ZFAND1: variants seen among roughly 807,000 people sequenced by gnomAD.
ZFAND1 encodes the protein AN1-type zinc finger protein 1.
A neutral mutation model predicts 38.5 loss-of-function variants in ZFAND1; 40 were observed. The ratio of observed to expected loss-of-function variants is 1.04; its 90% CI spans 0.81 to 1.35. The LOEUF (loss-of-function observed/expected upper bound fraction) is 1.35, where lower values mean the gene tolerates loss of function less well. Among genes scored for constraint, ZFAND1 ranks in the 40% most tolerant of loss-of-function variants. The pLI, the probability that ZFAND1 is intolerant of heterozygous loss-of-function variation, is 0.00. For missense variants in ZFAND1, 346 were observed against 316.3 expected, an observed-to-expected ratio of 1.09 and a Z score of -0.71; for synonymous variants, 117 against 103.6, an observed-to-expected ratio of 1.13 and a Z score of -0.78.
rs1563611539 is a variant in ZFAND1, at chr8:81,719,356, A to ACACACACAC, written c.56-1133_56-1132insGTGTGTGTG. Reference sequence around the variant, plus strand: ...ACACACACACACACACACACACACAAATTAGCTGGGCGTGGTGGTTCATGC... The same window carrying ACACACACAC: ...ACACACACACACACACACACACACAACACACACACATTAGCTGGGCGTGGTGGTTCATGC... On this transcript the variant is annotated intron_variant, in intron 1 of 7. Coordinates refer to ENST00000220669, the MANE Select transcript of ZFAND1 (RefSeq NM_024699.3). Among the ~76,000 whole-genome samples the ACACACACAC allele has an allele frequency of 3.3e-3, 182 of 55,112 alleles. 1 individual carries two copies. The highest frequency in any genetic ancestry group is 0.013 in the African/African-American group (161 of 12,150). 36.2% of individuals were successfully genotyped at this position (55,112 alleles called of 152,430 possible). A position where few individuals can be genotyped will look rare whatever the true frequency, so the allele number is the denominator to read the frequency against.
chr8:81,719,593 A>T (rs1469031959), intron 1 of ZFAND1, among the ~76,000 whole-genome samples: 2 of 152,164 alleles, frequency 1.3e-5, no homozygotes, highest in African/African-American at 2.4e-5. Flanking sequence ...TTAATAATCA[A>T]GTATTAGATG....
At chr8:81,714,318 A>C in intron 5 of ZFAND1, 1 of 306,008 alleles carries the variant, frequency 3.3e-6, no homozygotes, top group Non-Finnish European at 6.0e-6. Context: ...GCTTCTACAG[A>C]CAACCTTAAG....
Position 81,718,269 on chromosome 8 carries a change from G to A in ZFAND1, c.56-45C>T, listed in dbSNP as rs1808372098. The A allele has an allele frequency of 2.1e-6, 3 of 1,436,576 alleles. No homozygotes were observed. In the African/African-American group the frequency reaches 4.4e-5, roughly 21 times the overall value. The allele number at this position is 1,436,576 out of a possible 1,614,324, so 89.0% of individuals were successfully genotyped here. A position where few individuals can be genotyped will look rare whatever the true frequency, so the allele number is the denominator to read the frequency against. On this transcript the variant is annotated intron_variant, in intron 1 of 7. Coordinates refer to ENST00000220669, the MANE Select transcript of ZFAND1 (RefSeq NM_024699.3). ...TATATACTGGTCAGTATCTGATTTT[G>A]ATTTAGTTTTCTTAAGCAAGAAGAC... is the stretch of plus-strand genomic sequence containing the variant.
At chr8:81,703,616 T>C (rs1001511718) in intron 6 of ZFAND1, among the ~76,000 whole-genome samples, 2 of 152,152 alleles carry the variant, frequency 1.3e-5, no homozygotes, top group Admixed American at 6.5e-5. Flanking sequence ...AGAGACGGGC[T>C]TTCACCATGT....
chr8:81,707,138 G>T (rs1402734045), intron 6 of ZFAND1, among the ~76,000 whole-genome samples: 1 of 152,136 alleles, frequency 6.6e-6, no homozygotes, highest in African/African-American at 2.4e-5. Context: ...GATACTGCTG[G>T]GATTTCAAAC....
Position 81,702,639 on chromosome 8 carries a change from GACTTAAACA to G in ZFAND1, c.*47_*55del. ...AATAGTATTTGTAGTAAAATAAATGGACTTAAACATGTAATAGAATTTTCCCTGTGATTT... is the reference window on the plus strand; with the variant it reads ...AATAGTATTTGTAGTAAAATAAATGGTGTAATAGAATTTTCCCTGTGATTT... On this transcript the variant is annotated 3_prime_UTR_variant, in exon 8 of 8. Coordinates refer to ENST00000220669, the MANE Select transcript of ZFAND1 (RefSeq NM_024699.3). The G allele has an allele frequency of 7.5e-7, 1 of 1,327,378 alleles. No individual in the cohort carries two copies. The highest frequency in any genetic ancestry group is 9.9e-7 in the Non-Finnish European group (1 of 1,007,992). 82.2% of individuals were successfully genotyped at this position (1,327,378 alleles called of 1,614,324 possible).
chr8:81,717,127 T>C (rs997736470), intron 3 of ZFAND1, 122 bp downstream of exon 3: 2 of 698,668 alleles, frequency 2.9e-6, no homozygotes, highest in African/African-American at 1.9e-5. Flanking sequence ...CCTCTTTACC[T>C]AATCAGTTTA....
rs200647559 is a variant in ZFAND1 at position 81,714,048 on chromosome 8, T to C, written c.359-9A>G. On this transcript the variant is annotated splice_polypyrimidine_tract_variant and intron_variant, in intron 5 of 7. Transcript: ENST00000220669. ...TTCTCCTGTCTTGGAATCTAAGAAG[T>C]GTAAGCATGTAATCACATAAAACTT... The C allele has an allele frequency of 2.5e-5, 39 of 1,591,444 alleles. No individual in the cohort carries two copies. The African/African-American group carries it at 5.0e-4, about 21-fold the overall frequency.
intron 6 of ZFAND1, among the ~76,000 whole-genome samples, chr8:81,706,617 T>C (rs747016367): frequency 2.0e-5 from 3 of 151,970 alleles, no homozygotes; most frequent in Non-Finnish European, 4.4e-5. Context: ...TTTAGGATAT[T>C]ATATTGGAGA....
chr8:81,714,260 T>C (rs978006557), intron 5 of ZFAND1: 3 of 439,970 alleles, frequency 6.8e-6, no homozygotes, highest in Non-Finnish European at 1.2e-5. Context: ...TCCACTATAA[T>C]GTGCTTCTTT....
chr8:81,716,269 G>A (rs1400753025), intron 3 of ZFAND1, among the ~76,000 whole-genome samples: 1 of 152,166 alleles, frequency 6.6e-6, no homozygotes, highest in East Asian at 1.9e-4. Context: ...CTTCCTCTTG[G>A]AACTGTACTG....
At chr8:81,703,598 C>A (rs891628890) in intron 6 of ZFAND1, among the ~76,000 whole-genome samples, 2 of 152,068 alleles carry the variant, frequency 1.3e-5, no homozygotes, top group African/African-American at 4.8e-5. Flanking sequence ...AATTTTTGTA[C>A]TTTTACTAGA....
At position 81,715,517 on chromosome 8, in the gene ZFAND1, TA is replaced by T. The variant is rs1405015249; in HGVS notation, c.139-404del. Among the ~76,000 whole-genome samples, 8 of 152,142 alleles carry T rather than the reference TA, an allele frequency of 5.3e-5. 1 individual carries two copies. The South Asian group carries it at 8.3e-4, about 16-fold the overall frequency. On this transcript the variant is annotated intron_variant, in intron 3 of 7. Transcript: ENST00000220669. ...CACTTAACTCAGAGAATAAAACACT[TA>T]AAAAATATTTATTTATTTGTGAGAT...
chr8:81,717,169 GC>G, intron 3 of ZFAND1, 79 bp downstream of exon 3: 2 of 1,213,882 alleles, frequency 1.6e-6, no homozygotes, highest in Admixed American at 5.5e-5. Context: ...GATACTGACT[GC>G]CTTTAAATCT....
chr8:81,706,418 C>T (rs1378696405), intron 6 of ZFAND1, among the ~76,000 whole-genome samples: 1 of 128,972 alleles, frequency 7.8e-6, no homozygotes, highest in Non-Finnish European at 1.6e-5. Flanking sequence ...ATTTTAATAG[C>T]TATTAACTTA....
chr8:81,707,193 G>A (rs538754415), intron 6 of ZFAND1, among the ~76,000 whole-genome samples: 1 of 152,180 alleles, frequency 6.6e-6, no homozygotes, highest in African/African-American at 2.4e-5. Context: ...TATTCATTAA[G>A]GATGTTTTGC....
In ZFAND1 at chr8:81,715,362, G is replaced by A. The variant is rs1254551151; in HGVS notation, c.139-248C>T. 4.6e-5 allele frequency among the ~76,000 whole-genome samples: 7 copies of A among 151,950 alleles called. 1 individual carries two copies. The highest frequency in any genetic ancestry group is 4.2e-4 in the South Asian group (2 of 4,818). The stretch of plus-strand genomic sequence containing the variant: ...CAAGTTGAAATGACTATTTAATTAC[G>A]CTCTATAATTTTAACCTGCTTTGTA... On this transcript the variant is annotated intron_variant, in intron 3 of 7. Transcript: ENST00000220669.
At chr8:81,703,151 C>G in intron 6 of ZFAND1, 27 bp from the exon 7 acceptor site, 1 of 1,452,156 alleles carries the variant, frequency 6.9e-7, no homozygotes, top group Non-Finnish European at 9.2e-7. Flanking sequence ...TTAAAACAAC[C>G]ATTACATAGA....
At chr8:81,708,453 G>T (rs1808045221) in intron 6 of ZFAND1, among the ~76,000 whole-genome samples, 2 of 151,822 alleles carry the variant, frequency 1.3e-5, no homozygotes, top group African/African-American at 4.8e-5. Flanking sequence ...TTAGATAAAG[G>T]ATTAACATCT....
Sources: gnomAD v4.1 joint callset for allele counts (sites outside exome capture counted in the v4.1 genomes callset) on GRCh38, gnomAD v4.1.1 for gene constraint, MANE v1.5 for transcripts, NCBI Gene and HGNC (gene_info 2026-07-23, HGNC 2026-07-21) for gene names.